The following HTT-AS variants were observed in gnomAD, a reference collection of about 807,000 sequenced individuals.
HTT-AS encodes HTT antisense RNA, also known as HTT antisense RNA (head to head).
chr4:3,048,060 C>T (rs1711633337), downstream of HTT-AS, among the ~76,000 whole-genome samples: 1 of 152,126 alleles, frequency 6.6e-6, no homozygotes, highest in South Asian at 2.1e-4. Flanking sequence ...ACAGGGCAGC[C>T]AGGCATTCGG....
intron 2 of HTT-AS, among the ~76,000 whole-genome samples, chr4:3,053,449 C>A (rs1711750037): frequency 6.6e-6 from 1 of 152,202 alleles, no homozygotes; most frequent in Admixed American, 6.5e-5. Context: ...AGGAGAATCA[C>A]TTGAACTCAG....
Position 3,065,745 on chromosome 4 carries a change from G to A in HTT-AS, n.114-2045C>T, listed in dbSNP as rs144696684. 1.3e-5 allele frequency among the ~76,000 whole-genome samples: 2 copies of A among 152,356 alleles called. 1 individual carries two copies. Among genetic ancestry groups the A allele is most frequent in the Non-Finnish European group, 2.9e-5 (2 of 68,038 alleles). On this transcript the variant is annotated intron_variant and non_coding_transcript_variant, in intron 1 of 2. Transcript: ENST00000664062. The stretch of plus-strand genomic sequence containing the variant: ...CACAGTCTACTGCAGAGCATCTGCT[G>A]TTTGCCCTTGTGACTGCGTGGCTGC...
At chr4:3,057,037 TTTTC>T (rs1466082716) in intron 2 of HTT-AS, among the ~76,000 whole-genome samples, 1 of 119,026 alleles carries the variant, frequency 8.4e-6, no homozygotes, top group Non-Finnish European at 1.9e-5. Flanking sequence ...GGCTTTTTCT[TTTTC>T]TTTTTTTTTT....
chr4:3,047,811 C>G (rs951173357), downstream of HTT-AS, among the ~76,000 whole-genome samples: 1 of 152,228 alleles, frequency 6.6e-6, no homozygotes, highest in Non-Finnish European at 1.5e-5. Context: ...CTTTCATGTT[C>G]CGCTCTGTAC....
intron 1 of HTT-AS, among the ~76,000 whole-genome samples, chr4:3,074,034 T>TCCTTCATGGGCGAGCC (rs1712299045): frequency 1.0e-5 from 1 of 96,544 alleles, no homozygotes; most frequent in East Asian, 3.2e-4. Flanking sequence ...CATGGCCCCG[T>TCCTTCATGGGCGAGCC]CCTTCATGGG....
intron 2 of HTT-AS, among the ~76,000 whole-genome samples, chr4:3,050,003 C>T (rs541758562): frequency 3.0e-4 from 44 of 148,868 alleles, no homozygotes; most frequent in African/African-American, 9.7e-4. Flanking sequence ...TGGAGTGCAG[C>T]GGTGCAATCT....
intron 1 of HTT-AS, among the ~76,000 whole-genome samples, chr4:3,063,867 G>C (rs1397498344): frequency 6.6e-6 from 1 of 152,104 alleles, no homozygotes; most frequent in East Asian, 1.9e-4. Flanking sequence ...GGGGATGGTG[G>C]TGAAGGTTGT....
intron 2 of HTT-AS, among the ~76,000 whole-genome samples, chr4:3,058,237 A>C (rs1477502821): frequency 6.6e-6 from 1 of 151,946 alleles, no homozygotes; most frequent in East Asian, 1.9e-4. Flanking sequence ...GAGGCAGGAG[A>C]ATCGCTTGAA....
intron 2 of HTT-AS, among the ~76,000 whole-genome samples, chr4:3,058,466 C>T (rs542718967): frequency 4.2e-4 from 64 of 152,262 alleles, no homozygotes; most frequent in African/African-American, 1.5e-3. Context: ...GTGAGAACAA[C>T]CAGAGATCCC....
chr4:3,063,266 T>G (rs761614314), exon 2 of HTT-AS, among the ~76,000 whole-genome samples: 18 of 152,110 alleles, frequency 1.2e-4, no homozygotes, highest in Non-Finnish European at 2.5e-4. Context: ...GCTTGGGAGT[T>G]GGGAGCAGCA....
chr4:3,047,359 T>C (rs1711612631), downstream of HTT-AS, among the ~76,000 whole-genome samples: 1 of 152,154 alleles, frequency 6.6e-6, no homozygotes, highest in African/African-American at 2.4e-5. Context: ...AGAATAGTTA[T>C]ACTAGAAATA....
At chr4:3,070,369 C>G (rs1474136948) in intron 1 of HTT-AS, among the ~76,000 whole-genome samples, 1 of 151,648 alleles carries the variant, frequency 6.6e-6, no homozygotes, top group Non-Finnish European at 1.5e-5. Flanking sequence ...CAGCTCACTG[C>G]AACCTCCGCC....
Position 3,070,240 on chromosome 4 carries a change from CAG to C in HTT-AS, n.113+4184_113+4185del, listed in dbSNP as rs1336194257. The C allele has an allele frequency of 2.0e-5, 3 of 152,162 alleles. 1 individual carries two copies. The Middle Eastern group carries it at 0.01, about 521-fold the overall frequency. The allele number at this position is 152,162 out of a possible 1,614,324, so 9.4% of individuals were successfully genotyped here. ...ATAAACCGCCCTCAATTCCCCTGCC[CAG>C]AGAGAGTCACTGCTATGACTTGGTG... On this transcript the variant is annotated intron_variant and non_coding_transcript_variant, in intron 1 of 2. Coordinates refer to ENST00000664062, the Ensembl canonical transcript of HTT-AS.
At chr4:3,060,752 C>T (rs1286120920) in intron 2 of HTT-AS, among the ~76,000 whole-genome samples, 1 of 152,230 alleles carries the variant, frequency 6.6e-6, no homozygotes, top group African/African-American at 2.4e-5. Context: ...CTCCATCTTC[C>T]CTTTCCTTGT....
exon 3 of HTT-AS, among the ~76,000 whole-genome samples, chr4:3,049,221 CA>C (rs1711656141): frequency 6.6e-6 from 1 of 152,058 alleles, no homozygotes; most frequent in African/African-American, 2.4e-5. Flanking sequence ...GTTAGAAGTT[CA>C]AAACCAGCCT....
exon 3 of HTT-AS, among the ~76,000 whole-genome samples, chr4:3,049,482 G>C (rs1711661388): frequency 6.6e-6 from 1 of 152,152 alleles, no homozygotes; most frequent in Non-Finnish European, 1.5e-5. Flanking sequence ...CACGATCTTA[G>C]CAAAAGCCGT....
Position 3,059,266 on chromosome 4 carries a change from C to T in HTT-AS, n.1380+3168G>A, listed in dbSNP as rs546736095. On this transcript the variant is annotated intron_variant and non_coding_transcript_variant, in intron 2 of 2. Transcript: ENST00000664062. The stretch of plus-strand genomic sequence containing the variant: ...GAAGGCGAATTCATCTGGCTGTTAA[C>T]GTGCCTCACTTCTGCTTTCTGTGGC... Among the ~76,000 whole-genome samples, 375 of 152,322 alleles carry T rather than the reference C, an allele frequency of 2.5e-3. 3 individuals carry two copies. Among genetic ancestry groups the T allele is most frequent in the African/African-American group, 8.7e-3 (360 of 41,572 alleles).
intron 2 of HTT-AS, among the ~76,000 whole-genome samples, chr4:3,053,753 A>AATT (rs1553907388): frequency 1.3e-5 from 2 of 149,258 alleles, no homozygotes; most frequent in African/African-American, 2.5e-5. Flanking sequence ...AGGTTTGCTA[A>AATT]CTTCTTTTTT....
At chr4:3,049,194 T>G (rs1229158789) in exon 3 of HTT-AS, among the ~76,000 whole-genome samples, 2 of 151,982 alleles carry the variant, frequency 1.3e-5, no homozygotes, top group African/African-American at 4.8e-5. Flanking sequence ...GAGGCCGAGG[T>G]GGGCGGATCA....
Sources: allele counts gnomAD v4.1 joint callset (sites outside exome capture counted in the v4.1 genomes callset), GRCh38; gene constraint gnomAD v4.1.1; transcripts MANE v1.5; gene names NCBI Gene and HGNC (gene_info 2026-07-23, HGNC 2026-07-21).